Variants in C10orf143 observed in about 807,000 individuals in gnomAD.
C10orf143 encodes the protein uncharacterized protein C10orf143.
downstream of C10orf143, among the ~76,000 whole-genome samples, chr10:130,060,822 C>T (rs1230127829): frequency 1.9e-5 from 1 of 53,362 alleles, no homozygotes; most frequent in South Asian, 7.0e-4. Context: ...GACTCCGTCT[C>T]AAAAAAAAAA....
At chr10:130,066,211 A>T (rs1200427552) in intron 3 of C10orf143, 29 of 137,228 alleles carry the variant, frequency 2.1e-4, no homozygotes, top group African/African-American at 7.8e-4. Flanking sequence ...TTTTTGAGAC[A>T]GGGTCTGGCT....
chr10:130,107,307 A>G (rs768016745), intron 1 of C10orf143: 2 of 1,095,504 alleles, frequency 1.8e-6, no homozygotes, highest in Non-Finnish European at 2.8e-6. Context: ...AAGATCAGCC[A>G]TGCCACTAAA....
chr10:130,108,351 C>T, intron 1 of C10orf143: 1 of 1,320,944 alleles, frequency 7.6e-7, no homozygotes, highest in Non-Finnish European at 1.1e-6. Context: ...GGATTTTTCC[C>T]CCGACCCCCA....
At position 130,106,453 on chromosome 10, in the gene C10orf143, G is replaced by T. The variant is rs772143110; in HGVS notation, c.69+4251C>A. The T allele has an allele frequency of 3.7e-6, 6 of 1,602,494 alleles. No homozygotes were observed. The African/African-American group carries it at 8.0e-5, about 21-fold the overall frequency. On this transcript the variant is annotated intron_variant, in intron 1 of 3. Coordinates refer to ENST00000637128, the MANE Select transcript of C10orf143 (RefSeq NM_001355042.2). ...AGGCAACCTGTGAAAAGTTGAACAG[G>T]TCCAATTCTGAACTTGAGCATGAAA...
chr10:130,082,144 T>C (rs191631048), intron 1 of C10orf143, among the ~76,000 whole-genome samples: 111 of 152,068 alleles, frequency 7.3e-4, no homozygotes, highest in African/African-American at 2.7e-3. Flanking sequence ...CAAATCACTG[T>C]GATAAGGATG....
At chr10:130,046,686 C>G (rs7909210) in intron 3 of C10orf143, among the ~76,000 whole-genome samples, 5 of 152,106 alleles carry the variant, frequency 3.3e-5, no homozygotes, top group Non-Finnish European at 5.9e-5. Context: ...CTGCCGTCTC[C>G]GCGCTGCGGG....
At chr10:130,067,256 C>T (rs572147057) in intron 3 of C10orf143, 1 of 152,352 alleles carries the variant, frequency 6.6e-6, no homozygotes, top group East Asian at 1.9e-4. Flanking sequence ...CCTCGCTGGG[C>T]TCTCCATGAC....
rs1267433489 is a variant in C10orf143, at chr10:130,101,865, C to CAAAAA, written c.69+8834_69+8838dup. Among the ~76,000 whole-genome samples the CAAAAA allele has an allele frequency of 5.0e-3, 238 of 47,708 alleles. 62 individuals are homozygous for CAAAAA. Among genetic ancestry groups the CAAAAA allele is most frequent in the African/African-American group, 0.024 (180 of 7,566 alleles). The allele number at this position is 47,708 out of a possible 152,430, so 31.3% of individuals were successfully genotyped here. ...ACTCTGTCTCAAAAAAAAAAAAAAC[C>CAAAAA]AAAAAAAAAAAAAAAAAAAACTTTT... is the stretch of plus-strand genomic sequence containing the variant. On this transcript the variant is annotated intron_variant, in intron 1 of 3. Transcript: ENST00000637128.
chr10:130,037,531 C>T (rs1408278973), intron 3 of C10orf143, among the ~76,000 whole-genome samples: 1 of 152,208 alleles, frequency 6.6e-6, no homozygotes, highest in East Asian at 1.9e-4. Context: ...TCCAGCCACC[C>T]ACCGAGGGAG....
At chr10:130,075,866 C>A (rs552537210) in intron 3 of C10orf143, among the ~76,000 whole-genome samples, 1 of 152,270 alleles carries the variant, frequency 6.6e-6, no homozygotes, top group South Asian at 2.1e-4. Context: ...TTTCCTGAGG[C>A]CTCCCAGCCA....
intron 3 of C10orf143, among the ~76,000 whole-genome samples, chr10:130,074,947 A>G (rs1431757631): frequency 6.6e-6 from 1 of 152,096 alleles, no homozygotes; most frequent in East Asian, 1.9e-4. Context: ...ATGCACACAC[A>G]CTACATATGT....
At chr10:130,038,149 C>A (rs1463342550) in intron 3 of C10orf143, among the ~76,000 whole-genome samples, 2 of 152,102 alleles carry the variant, frequency 1.3e-5, no homozygotes, top group Admixed American at 1.3e-4. Context: ...GAGTAACATG[C>A]GGCGGCCTCT....
At chr10:130,073,809 G>T (rs1861071032) in intron 3 of C10orf143, among the ~76,000 whole-genome samples, 1 of 152,076 alleles carries the variant, frequency 6.6e-6, no homozygotes, top group African/African-American at 2.4e-5. Context: ...TTTTTTAAAG[G>T]TAGTTTTTCA....
In C10orf143 at chr10:130,108,094, A is replaced by T. The variant is rs768462651; in HGVS notation, c.69+2610T>A. ...ATTCATCTCTCCCTGCTGAAAATGC[A>T]GCAACTGGCCCTCGCTTTGTTCCTC... On this transcript the variant is annotated intron_variant, in intron 1 of 3. Coordinates refer to ENST00000637128, the MANE Select transcript of C10orf143 (RefSeq NM_001355042.2). 3 of 1,517,632 alleles carry T rather than the reference A, an allele frequency of 2.0e-6. No homozygotes were observed. The Admixed American group carries it at 5.0e-5, about 25-fold the overall frequency. The allele number at this position is 1,517,632 out of a possible 1,614,324, so 94.0% of individuals were successfully genotyped here.
chr10:130,054,909 A>G (rs1197422121), intron 3 of C10orf143, among the ~76,000 whole-genome samples: 1 of 152,226 alleles, frequency 6.6e-6, no homozygotes, highest in East Asian at 1.9e-4. Flanking sequence ...ATCCAACCAT[A>G]TATGGTCAAC....
chr10:130,107,082 A>T (rs1281510296), intron 1 of C10orf143: 14 of 1,571,194 alleles, frequency 8.9e-6, no homozygotes, highest in African/African-American at 1.3e-5. Flanking sequence ...AAAACAAAGG[A>T]AGAGCTTACA....
intron 1 of C10orf143, among the ~76,000 whole-genome samples, chr10:130,103,870 G>GA (rs11384035): frequency 0.63 from 94,626 of 150,088 alleles, 29,915 homozygotes; most frequent in Admixed American, 0.69. Context: ...TATGACACCA[G>GA]AAAAAAAAAA....
intron 1 of C10orf143, among the ~76,000 whole-genome samples, chr10:130,090,734 CG>C (rs1243237055): frequency 6.9e-6 from 1 of 145,530 alleles, no homozygotes; most frequent in Non-Finnish European, 1.5e-5. Flanking sequence ...GGGGGGCGGG[CG>C]GGGCATCTGC....
intron 3 of C10orf143, among the ~76,000 whole-genome samples, chr10:130,045,540 A>C (rs995937041): frequency 2.0e-5 from 3 of 152,210 alleles, no homozygotes; most frequent in Non-Finnish European, 4.4e-5. Context: ...GCCACGCCCC[A>C]AAACCGCGAG....
Sources: gnomAD v4.1 joint callset for allele counts (sites outside exome capture counted in the v4.1 genomes callset) on GRCh38, gnomAD v4.1.1 for gene constraint, MANE v1.5 for transcripts, NCBI Gene and HGNC (gene_info 2026-07-23, HGNC 2026-07-21) for gene names.